STPG2: variants seen among roughly 807,000 people sequenced by gnomAD.
STPG2 encodes sperm tail PG-rich repeat containing 2.
In STPG2, 56 loss-of-function variants were observed where a neutral mutation model predicts 54.2. The observed-to-expected ratio is 1.03, with a 90% confidence interval of 0.83 to 1.29. The LOEUF is 1.29. Among genes scored for constraint, STPG2 ranks in the 50% most tolerant of loss-of-function variants. STPG2 has a pLI of 0.00. For missense variants in STPG2, 596 were observed against 544.9 expected, an observed-to-expected ratio of 1.09 and a Z score of -0.93; for synonymous variants, 200 against 181.8, an observed-to-expected ratio of 1.10 and a Z score of -0.81.
intron 5 of STPG2, among the ~76,000 whole-genome samples, chr4:98,029,625 T>C (rs1736532599): frequency 6.6e-6 from 1 of 152,190 alleles, no homozygotes; most frequent in South Asian, 2.1e-4. Context: ...TATTTTATAT[T>C]AGTTATCTGC....
intron 8 of STPG2, among the ~76,000 whole-genome samples, chr4:97,930,085 G>A (rs542843123): frequency 3.3e-5 from 5 of 152,162 alleles, no homozygotes; most frequent in Admixed American, 1.3e-4. Context: ...TTTTAGTAGA[G>A]ATGAGGTTTC....
chr4:98,117,377 T>G (rs765485704), intron 3 of STPG2, among the ~76,000 whole-genome samples: 2 of 152,054 alleles, frequency 1.3e-5, no homozygotes, highest in Admixed American at 6.6e-5. Flanking sequence ...TTCAACAGCT[T>G]GACTGTGATG....
At position 97,850,189 on chromosome 4, in the gene STPG2, C is replaced by T. The variant is rs1035044438; in HGVS notation, c.1045-9257G>A. Among the ~76,000 whole-genome samples the T allele has an allele frequency of 2.8e-4, 40 of 140,620 alleles. No homozygotes were observed. The East Asian group carries it at 6.8e-3, about 24-fold the overall frequency. 92.3% of individuals were successfully genotyped at this position (140,620 alleles called of 152,430 possible). A position where few individuals can be genotyped will look rare whatever the true frequency, so the allele number is the denominator to read the frequency against. On this transcript the variant is annotated intron_variant, in intron 8 of 10. Coordinates refer to ENST00000295268, the MANE Select transcript of STPG2 (RefSeq NM_174952.3). ...CGCAAGAACAAAAAATCAAACACCG[C>T]GTATTCTCACTCATAGGTGGGAATT...
intron 9 of STPG2, among the ~76,000 whole-genome samples, chr4:97,818,036 G>C (rs184114525): frequency 6.6e-6 from 1 of 151,898 alleles, no homozygotes; most frequent in Non-Finnish European, 1.5e-5. Flanking sequence ...AGAAATCTGA[G>C]AGTCCAAAGG....
chr4:98,087,685 C>T (rs1402460466), intron 5 of STPG2, among the ~76,000 whole-genome samples: 1 of 151,922 alleles, frequency 6.6e-6, no homozygotes, highest in Non-Finnish European at 1.5e-5. Flanking sequence ...CTCTGCCTCC[C>T]GAGTAGCTGG....
intron 9 of STPG2, among the ~76,000 whole-genome samples, chr4:97,740,904 A>C (rs1436746856): frequency 6.6e-6 from 1 of 152,166 alleles, no homozygotes; most frequent in African/African-American, 2.4e-5. Flanking sequence ...CCGCATCGCC[A>C]AGTCAATCTT....
intron 8 of STPG2, among the ~76,000 whole-genome samples, chr4:97,841,785 T>C (rs1728809592): frequency 6.6e-6 from 1 of 151,790 alleles, no homozygotes; most frequent in Admixed American, 6.6e-5. Flanking sequence ...ACCCTCTGTG[T>C]TCCTGAGTTT....
At chr4:97,833,089 C>G (rs1578604126) in intron 9 of STPG2, among the ~76,000 whole-genome samples, 1 of 152,294 alleles carries the variant, frequency 6.6e-6, no homozygotes, top group South Asian at 2.1e-4. Context: ...CTGGAGGCAT[C>G]AGGCTACCTG....
intron 9 of STPG2, among the ~76,000 whole-genome samples, chr4:97,834,213 A>G (rs964475281): frequency 1.3e-5 from 2 of 152,162 alleles, no homozygotes; most frequent in African/African-American, 2.4e-5. Context: ...TTGCAGGGAC[A>G]TGGATGAAGC....
chr4:98,120,031 A>G (rs1739633411), intron 3 of STPG2, among the ~76,000 whole-genome samples: 2 of 152,026 alleles, frequency 1.3e-5, no homozygotes, highest in Admixed American at 1.3e-4. Context: ...CCATGGCTTT[A>G]CTATTGTGAA....
intron 8 of STPG2, among the ~76,000 whole-genome samples, chr4:97,850,031 A>T (rs1475099280): frequency 6.6e-6 from 1 of 151,690 alleles, no homozygotes; most frequent in Non-Finnish European, 1.5e-5. Flanking sequence ...CAAATGTCCA[A>T]CAATGATAGA....
At position 97,828,452 on chromosome 4, in the gene STPG2, A is replaced by C. The variant is rs184700337; in HGVS notation, c.1204+12321T>G. Among the ~76,000 whole-genome samples the C allele has an allele frequency of 2.8e-3, 427 of 152,002 alleles. 3 individuals carry two copies. Among genetic ancestry groups the C allele is most frequent in the African/African-American group, 9.4e-3 (391 of 41,456 alleles). On this transcript the variant is annotated intron_variant, in intron 9 of 10. Transcript: ENST00000295268. ...CAGGGCCCAGGGTTTCAAGCACAAA[A>C]CTGGGCAGCTGGTTGGGCAGACACC...
chr4:97,607,148 T>G (rs1733615420), intron 10 of STPG2, among the ~76,000 whole-genome samples: 1 of 152,070 alleles, frequency 6.6e-6, no homozygotes, highest in African/African-American at 2.4e-5. Context: ...ATTTTAAAAT[T>G]TTGTATTACT....
At chr4:97,611,624 G>T (rs1733732524) in intron 10 of STPG2, among the ~76,000 whole-genome samples, 1 of 151,738 alleles carries the variant, frequency 6.6e-6, no homozygotes, top group South Asian at 2.1e-4. Context: ...AGAAAATAAG[G>T]TGTCAAAAGT....
chr4:97,546,335 A>G (rs114709932), intron 4 of STPG2, among the ~76,000 whole-genome samples: 3,507 of 152,150 alleles, frequency 0.023, 62 homozygotes, highest in Non-Finnish European at 0.035. Flanking sequence ...ATTATATTAG[A>G]AAGTAGACAG....
intron 8 of STPG2, among the ~76,000 whole-genome samples, chr4:97,866,863 A>T (rs1729806020): frequency 6.6e-6 from 1 of 151,854 alleles, no homozygotes; most frequent in Non-Finnish European, 1.5e-5. Context: ...TTTGCTGGGG[A>T]GAATAGATTA....
At chr4:98,017,500 C>A (rs1735997876) in intron 5 of STPG2, among the ~76,000 whole-genome samples, 2 of 152,198 alleles carry the variant, frequency 1.3e-5, no homozygotes, top group South Asian at 4.1e-4. Context: ...TTTCTCTGCA[C>A]TATCCTGCTC....
At chr4:98,056,239 C>G (rs1737481053) in intron 5 of STPG2, among the ~76,000 whole-genome samples, 1 of 152,120 alleles carries the variant, frequency 6.6e-6, no homozygotes, top group South Asian at 2.1e-4. Context: ...AGTGATCACT[C>G]CTGCTTGTGG....
At chr4:97,932,431 T>C (rs903059362) in intron 8 of STPG2, among the ~76,000 whole-genome samples, 1 of 152,176 alleles carries the variant, frequency 6.6e-6, no homozygotes. Context: ...GATAAAAGTG[T>C]GCCATGTTGG....
Sources: allele counts gnomAD v4.1 joint callset (sites outside exome capture counted in the v4.1 genomes callset), GRCh38; gene constraint gnomAD v4.1.1; transcripts MANE v1.5; gene names NCBI Gene and HGNC (gene_info 2026-07-23, HGNC 2026-07-21).